The following RBMS3 variants were observed in gnomAD, a reference collection of about 807,000 sequenced individuals.
RBMS3 encodes RNA binding motif single stranded interacting protein 3, also known as RNA-binding motif, single-stranded-interacting protein 3.
Under a neutral mutation model 66.8 loss-of-function variants are expected in RBMS3, and 27 were observed. That is an observed-to-expected ratio of 0.40 (90% CI 0.30 to 0.56). The LOEUF (loss-of-function observed/expected upper bound fraction) is 0.56. Ranked by LOEUF, RBMS3 falls within the 20% of genes least tolerant of loss-of-function variation. The probability of loss-of-function intolerance (pLI) is 0.40; values close to 1 mark genes in which losing one functional copy is unlikely to be tolerated. For synonymous variants in RBMS3, 188 were observed against 183.0 expected, an observed-to-expected ratio of 1.03 and a Z score of -0.22; for missense variants, 513 against 549.5, an observed-to-expected ratio of 0.93 and a Z score of 0.66.
chr3:29,721,208 T>C (rs1054614637), intron 4 of RBMS3, among the ~76,000 whole-genome samples: 3 of 152,156 alleles, frequency 2.0e-5, no homozygotes, highest in African/African-American at 7.2e-5. Flanking sequence ...TTAACAGTTG[T>C]ACTCAAACTA....
intron 3 of RBMS3, among the ~76,000 whole-genome samples, chr3:29,517,055 T>TA (rs2044654829): frequency 6.6e-6 from 1 of 151,646 alleles, no homozygotes; most frequent in Non-Finnish European, 1.5e-5. Flanking sequence ...CTACTAAAAA[T>TA]ACCAAAAAAT....
intron 8 of RBMS3, among the ~76,000 whole-genome samples, chr3:29,893,538 T>C (rs889145828): frequency 2.0e-5 from 3 of 151,666 alleles, no homozygotes; most frequent in Non-Finnish European, 4.4e-5. Flanking sequence ...CTGCATGGCA[T>C]ATGAGGAAGA....
intron 4 of RBMS3, among the ~76,000 whole-genome samples, chr3:29,688,618 C>T (rs55904844): frequency 0.51 from 59,964 of 117,110 alleles, 14,885 homozygotes; most frequent in Middle Eastern, 0.64. Flanking sequence ...GAGTCTTGCT[C>T]TGTCACCAGG....
intron 4 of RBMS3, among the ~76,000 whole-genome samples, chr3:29,600,195 G>A (rs1280685417): frequency 2.6e-5 from 4 of 151,968 alleles, no homozygotes; most frequent in Non-Finnish European, 5.9e-5. Flanking sequence ...TAAAATCAAA[G>A]GTGCAGAATG....
intron 12 of RBMS3, among the ~76,000 whole-genome samples, chr3:29,953,163 C>T (rs1274602353): frequency 6.6e-6 from 1 of 151,810 alleles, no homozygotes; most frequent in Non-Finnish European, 1.5e-5. Flanking sequence ...AAGAAGTGAC[C>T]ATTTATTCCA....
chr3:29,877,821 G>A (rs918565577), intron 7 of RBMS3, among the ~76,000 whole-genome samples: 1 of 152,144 alleles, frequency 6.6e-6, no homozygotes, highest in Non-Finnish European at 1.5e-5. Context: ...CTTTCAGCAA[G>A]TGAACTAATA....
chr3:29,611,863 A>C (rs1344971477), intron 4 of RBMS3, among the ~76,000 whole-genome samples: 2 of 150,348 alleles, frequency 1.3e-5, no homozygotes, highest in African/African-American at 4.8e-5. Context: ...ATCAGGTCTC[A>C]TATGTGGATC....
At chr3:29,491,810 C>T (rs1321248868) in intron 3 of RBMS3, among the ~76,000 whole-genome samples, 6 of 152,020 alleles carry the variant, frequency 3.9e-5, no homozygotes, top group South Asian at 4.1e-4. Context: ...TGGCTAAAAC[C>T]GTGAAACCCT....
chr3:29,581,343 G>C (rs2047321446), intron 3 of RBMS3, among the ~76,000 whole-genome samples: 1 of 152,192 alleles, frequency 6.6e-6, no homozygotes, highest in Admixed American at 6.5e-5. Flanking sequence ...AATAAGGAAA[G>C]ATAGTCAGCA....
intron 6 of RBMS3, among the ~76,000 whole-genome samples, chr3:29,847,846 C>T (rs1338163577): frequency 6.6e-6 from 1 of 151,952 alleles, no homozygotes; most frequent in African/African-American, 2.4e-5. Flanking sequence ...TTAGTAGAGA[C>T]GGGGTGTCAC....
chr3:29,989,676 G>T (rs1698690437), intron 13 of RBMS3, among the ~76,000 whole-genome samples: 1 of 152,178 alleles, frequency 6.6e-6, no homozygotes, highest in South Asian at 2.1e-4. Flanking sequence ...TGGAAATCAA[G>T]GAGTTCCAAT....
intron 1 of RBMS3, among the ~76,000 whole-genome samples, chr3:29,300,386 G>A (rs772485202): frequency 1.6e-4 from 24 of 152,046 alleles, no homozygotes; most frequent in Middle Eastern, 3.4e-3. Context: ...TTTTAACAGA[G>A]AAGATTATAA....
In RBMS3 at chr3:29,691,951, T is replaced by TCTCTCTA. The variant is rs2052041085; in HGVS notation, c.400-47769_400-47768insCTCTCTA. ...GACCCTTCTCTCTCTCTCTCTCTAT[T>TCTCTCTA]TTTTTTTTTTTTTTTTGAGATGGAG... is the stretch of plus-strand genomic sequence containing the variant. On this transcript the variant is annotated intron_variant, in intron 4 of 14. Coordinates refer to ENST00000383767, the MANE Select transcript of RBMS3 (RefSeq NM_001003793.3). Among the ~76,000 whole-genome samples, 41 of 47,984 alleles carry TCTCTCTA rather than the reference T, an allele frequency of 8.5e-4. 1 individual carries two copies. Among genetic ancestry groups the TCTCTCTA allele is most frequent in the African/African-American group, 3.2e-3 (38 of 11,896 alleles). 31.5% of individuals were successfully genotyped at this position (47,984 alleles called of 152,430 possible).
intron 1 of RBMS3, among the ~76,000 whole-genome samples, chr3:29,407,819 T>G (rs1489206966): frequency 6.6e-6 from 1 of 152,236 alleles, no homozygotes; most frequent in African/African-American, 2.4e-5. Context: ...AGTTATGCTG[T>G]TGTAATATTT....
intron 4 of RBMS3, among the ~76,000 whole-genome samples, chr3:29,632,630 A>C (rs1378715789): frequency 6.6e-6 from 1 of 151,906 alleles, no homozygotes; most frequent in Non-Finnish European, 1.5e-5. Flanking sequence ...GAAAATCCTC[A>C]GTCTTGTAAA....
At chr3:29,659,194 A>AT (rs200581969) in intron 4 of RBMS3, among the ~76,000 whole-genome samples, 1,850 of 152,142 alleles carry the variant, frequency 0.012, 35 homozygotes, top group African/African-American at 0.04. Context: ...ATGTACAGAG[A>AT]TTTTTTTTCC....
chr3:29,403,612 G>A (rs147514066), intron 1 of RBMS3, among the ~76,000 whole-genome samples: 1 of 152,170 alleles, frequency 6.6e-6, no homozygotes, highest in African/African-American at 2.4e-5. Context: ...TTCCAGGGCT[G>A]TTGAACTGTC....
intron 1 of RBMS3, among the ~76,000 whole-genome samples, chr3:29,367,704 T>C (rs2037984749): frequency 6.6e-6 from 1 of 152,176 alleles, no homozygotes; most frequent in Non-Finnish European, 1.5e-5. Flanking sequence ...ATAAAGAACA[T>C]GTATCACTCT....
At chr3:29,642,163 G>T (rs2049742328) in intron 4 of RBMS3, among the ~76,000 whole-genome samples, 1 of 152,084 alleles carries the variant, frequency 6.6e-6, no homozygotes, top group African/African-American at 2.4e-5. Flanking sequence ...CTGCCAATGA[G>T]TGGATTCTGA....
Sources: allele counts gnomAD v4.1 joint callset (sites outside exome capture counted in the v4.1 genomes callset), GRCh38; gene constraint gnomAD v4.1.1; transcripts MANE v1.5; gene names NCBI Gene and HGNC (gene_info 2026-07-23, HGNC 2026-07-21).